The following INF2 variants were observed in gnomAD, a reference collection of about 807,000 sequenced individuals.
INF2 encodes the protein inverted formin 2.
Under a neutral mutation model 123.5 loss-of-function variants are expected in INF2, and 43 were observed. The observed-to-expected ratio is 0.35, with a 90% CI of 0.27 to 0.45. The LOEUF (loss-of-function observed/expected upper bound fraction) is 0.45. INF2 is among the 20% of genes least tolerant of loss of function. The pLI is 1.00. For synonymous variants in INF2, 851 were observed against 745.0 expected (o/e 1.14, Z -2.32); for missense variants, 1,453 against 1,682.7 (o/e 0.86, Z 2.39).
intron 5 of INF2, chr14:104,704,237 C>G (rs1285292087): frequency 7.7e-7 from 1 of 1,296,972 alleles, no homozygotes; most frequent in Admixed American, 3.0e-5. Flanking sequence ...GGCCGTGATC[C>G]TAAGTGAACC....
rs779846259 is a variant in INF2, at chr14:104,709,408, A to C, written c.2052+25A>C. ...GGTAAGAGGACCACCCCCACACCCC[A>C]CCCCCAGTTAGTGCCACCAACCAAG... On this transcript the variant is annotated intron_variant, in intron 11 of 22. Coordinates refer to ENST00000392634, the MANE Select transcript of INF2 (RefSeq NM_022489.4). 1.5e-5 allele frequency: 23 copies of C among 1,566,862 alleles called. No homozygotes were observed. The South Asian group carries it at 2.3e-4, about 16-fold the overall frequency.
chr14:104,712,800 C>T (rs138679958), intron 17 of INF2, 28 bp from the exon 18 acceptor site: 20 of 1,588,492 alleles, frequency 1.3e-5, no homozygotes, highest in Admixed American at 3.5e-5. Context: ...GGGGCTCTCA[C>T]GGGACTGTCA....
At position 104,713,122 on chromosome 14, in the gene INF2, G is replaced by A. The variant is rs1368374813; in HGVS notation, c.2776-85G>A. ...ACAGCCATGTGGGCCCTGCGCTGCT[G>A]CGGCTCAGGGAGGGGGACGCCCAGG... On this transcript the variant is annotated intron_variant, in intron 18 of 22. Transcript: ENST00000392634. The A allele has an allele frequency of 3.1e-6, 5 of 1,605,464 alleles. No homozygotes were observed. In the South Asian group the frequency reaches 3.3e-5, roughly 11 times the overall value.
Position 104,701,724 on chromosome 14 carries a change from G to A in INF2, c.359G>A (p.Ser120Asn), listed in dbSNP as rs777096903. ...CGGCAGGGCATCGAGTACATCCTCA[G>A]CAACCAGGGCTACGTGCGCCAGCTC... ...NSRQGIEYIL[S>N]NQGYVRQLSQ... The change falls in exon 2 of 23, where the codon AGC becomes AAC. Residue 120 changes from serine to asparagine, a missense_variant. Physicochemically the swap from Ser to Asn is conservative, Grantham distance 46. This residue lies in a region of INF2 where 251 missense variants were observed against 349.4 expected (regional missense o/e 0.72). Transcript: ENST00000392634. The A allele has an allele frequency of 5.2e-6, 8 of 1,534,414 alleles. No individual in the cohort carries two copies. In the African/African-American group the frequency reaches 1.1e-4, roughly 21 times the overall value.
Position 104,706,531 on chromosome 14 carries a change from T to C in INF2, c.843+355T>C, listed in dbSNP as rs535333618. On this transcript the variant is annotated intron_variant, in intron 6 of 22. Transcript: ENST00000392634. ...AGGTGGGCTTCAGAGGCCTCAGGGCTTGGTGAGGGGCTAAGAGGCTGAATT... is the reference window on the plus strand; with the variant it reads ...AGGTGGGCTTCAGAGGCCTCAGGGCCTGGTGAGGGGCTAAGAGGCTGAATT... Among the ~76,000 whole-genome samples, 11 of 152,252 alleles carry C rather than the reference T, an allele frequency of 7.2e-5. No homozygotes were observed. In the East Asian group the frequency reaches 2.1e-3, roughly 29 times the overall value.
intron 1 of INF2, among the ~76,000 whole-genome samples, chr14:104,697,031 G>A (rs1270036681): frequency 1.3e-5 from 2 of 152,202 alleles, no homozygotes; most frequent in African/African-American, 4.8e-5. Flanking sequence ...GGCACAGTAG[G>A]CAGTACCTGC....
Position 104,707,828 on chromosome 14 carries a change from C to T in INF2, c.1561C>T (p.Leu521=). 2 of 1,591,776 alleles carry T rather than the reference C, an allele frequency of 1.3e-6. No individual in the cohort carries two copies. The highest frequency in any genetic ancestry group is 1.7e-6 in the Non-Finnish European group (2 of 1,170,774). The change falls in exon 8 of 23, where the codon CTA becomes TTA. Residue 521 remains leucine (L), a synonymous_variant. Transcript: ENST00000392634. ...GWGPPPPPPP[L]LPCTCSPPVA... is the part of the protein sequence containing the mutation. ...GGGCCCTCCTCCACCCCCACCTCCACTACTGCCCTGCACCTGCAGCCCCCC... is the reference window on the plus strand; with the variant it reads ...GGGCCCTCCTCCACCCCCACCTCCATTACTGCCCTGCACCTGCAGCCCCCC...
In INF2 at chr14:104,696,330, C is replaced by T. The variant is rs938225965; in HGVS notation, c.-9-5027C>T. 4.6e-5 allele frequency among the ~76,000 whole-genome samples: 7 copies of T among 152,322 alleles called. No individual in the cohort carries two copies. In the East Asian group the frequency reaches 5.8e-4, roughly 13 times the overall value. ...GCTGGAGTGCTTCTTGGGTGTGAGACGGGCCAGGTGACAGTGAGGACACAG... is the reference window on the plus strand; with the variant it reads ...GCTGGAGTGCTTCTTGGGTGTGAGATGGGCCAGGTGACAGTGAGGACACAG... On this transcript the variant is annotated intron_variant, in intron 1 of 22. Coordinates refer to ENST00000392634, the MANE Select transcript of INF2 (RefSeq NM_022489.4).
intron 1 of INF2, among the ~76,000 whole-genome samples, chr14:104,697,891 G>GC (rs1555372668): frequency 6.6e-6 from 1 of 152,248 alleles, no homozygotes; most frequent in African/African-American, 2.4e-5. Context: ...GACTGCCGGG[G>GC]GGGGTGGATG....
rs1368650081 is a variant in INF2, at chr14:104,700,793, G to A, written c.-9-564G>A. 5 of 979,286 alleles carry A rather than the reference G, an allele frequency of 5.1e-6. No homozygotes were observed. The African/African-American group carries it at 7.0e-5, about 14-fold the overall frequency. 60.7% of individuals were successfully genotyped at this position (979,286 alleles called of 1,614,324 possible). On this transcript the variant is annotated intron_variant, in intron 1 of 22. Transcript: ENST00000392634. ...ATGCAGACGGGCAGACTGAGGCCCA[G>A]GGGAGACCTGGGAGTCGCCCCTCCT...
At chr14:104,705,559 C>A (rs1287739583) in intron 5 of INF2, among the ~76,000 whole-genome samples, 3 of 152,160 alleles carry the variant, frequency 2.0e-5, no homozygotes, top group Admixed American at 2.0e-4. Flanking sequence ...AGTCCTAGGC[C>A]CAGTGAACAC....
In INF2 at chr14:104,719,212, G is replaced by C. The variant is rs1890457467; in HGVS notation, c.*419G>C. ...TTGCAAGTCTTTACTGCTTGGAGGTGGCTGAGTTGGGGGCCCTGGGCAGGG... is the reference window on the plus strand; with the variant it reads ...TTGCAAGTCTTTACTGCTTGGAGGTCGCTGAGTTGGGGGCCCTGGGCAGGG... On this transcript the variant is annotated 3_prime_UTR_variant, in exon 23 of 23. Coordinates refer to ENST00000392634, the MANE Select transcript of INF2 (RefSeq NM_022489.4). The C allele has an allele frequency of 5.5e-6, 1 of 182,052 alleles. No individual in the cohort carries two copies. The highest frequency in any genetic ancestry group is 1.1e-5 in the Non-Finnish European group (1 of 88,226). 11.3% of individuals were successfully genotyped at this position (182,052 alleles called of 1,614,324 possible). A position where few individuals can be genotyped will look rare whatever the true frequency, so the allele number is the denominator to read the frequency against.
At chr14:104,715,017 C>T (rs1890229744) in intron 21 of INF2, among the ~76,000 whole-genome samples, 161 bp downstream of exon 21, 1 of 152,218 alleles carries the variant, frequency 6.6e-6, no homozygotes, top group Non-Finnish European at 1.5e-5. Flanking sequence ...CACCGCAGGG[C>T]GGCTATGTGG....
chr14:104,696,580 G>A (rs1248419532), intron 1 of INF2, among the ~76,000 whole-genome samples: 1 of 152,218 alleles, frequency 6.6e-6, no homozygotes, highest in Non-Finnish European at 1.5e-5. Flanking sequence ...TGAGTGTGAG[G>A]GAGGGGAATG....
At chr14:104,711,998 C>T (rs1413599822) in intron 16 of INF2, among the ~76,000 whole-genome samples, 1 of 152,172 alleles carries the variant, frequency 6.6e-6, no homozygotes, top group Non-Finnish European at 1.5e-5. Context: ...TCACGACAGC[C>T]GTGAGCAGGC....
chr14:104,684,681 G>C (rs1595145790), upstream of INF2: 2 of 152,552 alleles, frequency 1.3e-5, no homozygotes, highest in African/African-American at 4.8e-5. This position sits in a 1 kb window ranked among gnomAD's most constrained non-coding sequence, Gnocchi z 5.0. Flanking sequence ...AAAACTCTTG[G>C]TGTGGTAGAC....
intron 8 of INF2, 180 bp from the exon 9 acceptor site, chr14:104,708,256 T>A (rs1566782293): frequency 5.5e-6 from 5 of 906,064 alleles, no homozygotes; most frequent in Non-Finnish European, 8.2e-6. Context: ...CATGGTGCCC[T>A]GGGGCCCTGC....
At chr14:104,681,767 G>A (rs1172724107) in intron 1 of INF2, among the ~76,000 whole-genome samples, 1 of 152,250 alleles carries the variant, frequency 6.6e-6, no homozygotes, top group Non-Finnish European at 1.5e-5. Flanking sequence ...CAGGGTGGGC[G>A]GGGCAGGTGA....
intron 5 of INF2, chr14:104,704,455 C>T (rs577310369): frequency 1.5e-4 from 29 of 198,074 alleles, no homozygotes; most frequent in African/African-American, 6.0e-4. Flanking sequence ...CTATTGGAAC[C>T]GGGCCACGCA....
Sources: gnomAD v4.1 joint callset for allele counts (sites outside exome capture counted in the v4.1 genomes callset) on GRCh38, gnomAD v4.1.1 for gene constraint, gnomAD v4.1.1 regional missense constraint, Gnocchi (gnomAD v3.1) non-coding constraint, MANE v1.5 for transcripts, NCBI Gene and HGNC (gene_info 2026-07-23, HGNC 2026-07-21) for gene names.